DOCK1: variants seen among roughly 807,000 people sequenced by gnomAD.
DOCK1 encodes dedicator of cytokinesis protein 1.
A neutral mutation model predicts 262.7 loss-of-function variants in DOCK1; 138 were observed. The observed-to-expected ratio is 0.53, with a 90% CI of 0.46 to 0.61. The LOEUF (loss-of-function observed/expected upper bound fraction) is 0.61, where lower values mean the gene tolerates loss of function less well. Ranked by LOEUF, DOCK1 falls within the 20% of genes least tolerant of loss-of-function variation. The pLI is 0.00. For synonymous variants in DOCK1, 866 were observed against 867.4 expected, an observed-to-expected ratio of 1.00 and a Z score of 0.03; for missense variants, 1,908 against 2,370.7, an observed-to-expected ratio of 0.80 and a Z score of 4.05.
chr10:127,018,236 T>C (rs1333883906), intron 12 of DOCK1, among the ~76,000 whole-genome samples: 1 of 152,148 alleles, frequency 6.6e-6, no homozygotes, highest in Non-Finnish European at 1.5e-5. Context: ...CTCGCCCAGG[T>C]TGTGTGATGC....
chr10:127,148,197 T>G (rs1187882108), intron 27 of DOCK1, among the ~76,000 whole-genome samples: 1 of 152,174 alleles, frequency 6.6e-6, no homozygotes, highest in Non-Finnish European at 1.5e-5. Context: ...CCAGTCAGGT[T>G]CCAAGCCCAC....
At chr10:127,377,790 G>A (rs1235856341) in intron 35 of DOCK1, among the ~76,000 whole-genome samples, 1 of 151,452 alleles carries the variant, frequency 6.6e-6, no homozygotes, top group Middle Eastern at 3.2e-3. Context: ...TACTCGGGAG[G>A]CTGAGGCAAC....
intron 24 of DOCK1, among the ~76,000 whole-genome samples, chr10:127,109,804 G>T (rs772110531): frequency 6.6e-6 from 1 of 151,896 alleles, no homozygotes; most frequent in African/African-American, 2.4e-5. Flanking sequence ...TCAGTATAAT[G>T]AACAATGCCA....
intron 1 of DOCK1, among the ~76,000 whole-genome samples, chr10:126,922,229 AAAAAAG>A: frequency 6.6e-6 from 1 of 151,528 alleles, no homozygotes; most frequent in East Asian, 1.9e-4. Flanking sequence ...AAAAAAAAAA[AAAAAAG>A]GAAAGAGTTA....
At chr10:127,165,882 C>G (rs1230743265) in intron 27 of DOCK1, among the ~76,000 whole-genome samples, 1 of 152,148 alleles carries the variant, frequency 6.6e-6, no homozygotes, top group Non-Finnish European at 1.5e-5. Context: ...ATGGGACCCT[C>G]TCAATGAGGG....
rs188854301 is a variant in DOCK1 at position 127,354,613 on chromosome 10, C to T, written c.3225-56C>T. 7.3e-5 allele frequency: 117 copies of T among 1,603,908 alleles called. No individual in the cohort carries two copies. In the East Asian group the frequency reaches 2.1e-3, roughly 28 times the overall value. Reference sequence around the variant, plus strand: ...ATTGCACTTAAAAATAATTCCAGTCCGATTTTCAAATGCCTTCCGGAGTGA... The same window carrying T: ...ATTGCACTTAAAAATAATTCCAGTCTGATTTTCAAATGCCTTCCGGAGTGA... On this transcript the variant is annotated intron_variant, in intron 31 of 51. Coordinates refer to ENST00000623213, the MANE Select transcript of DOCK1 (RefSeq NM_001290223.2).
chr10:127,145,828 A>C (rs2051770343), intron 27 of DOCK1: 1 of 344,654 alleles, frequency 2.9e-6, no homozygotes, highest in Non-Finnish European at 5.7e-6. Context: ...TAGCAGTGAT[A>C]GTTCTCATCA....
At chr10:126,965,282 A>T (rs1195118289) in intron 1 of DOCK1, among the ~76,000 whole-genome samples, 1 of 152,036 alleles carries the variant, frequency 6.6e-6, no homozygotes, top group Non-Finnish European at 1.5e-5. Flanking sequence ...AGGCGGAGGG[A>T]GGAAGGATTT....
At chr10:127,152,704 A>G (rs539253088) in intron 27 of DOCK1, among the ~76,000 whole-genome samples, 1 of 152,370 alleles carries the variant, frequency 6.6e-6, no homozygotes, top group Non-Finnish European at 1.5e-5. Context: ...AGTTGTGGCA[A>G]CTGAAAACGT....
intron 28 of DOCK1, among the ~76,000 whole-genome samples, chr10:127,249,018 C>T (rs573447592): frequency 2.0e-5 from 3 of 152,248 alleles, no homozygotes; most frequent in East Asian, 3.9e-4. Flanking sequence ...TGCCCCACCA[C>T]CCCCTGGTCC....
chr10:127,316,047 G>A (rs2062264612), intron 29 of DOCK1, among the ~76,000 whole-genome samples: 2 of 152,222 alleles, frequency 1.3e-5, no homozygotes, highest in African/African-American at 2.4e-5. Flanking sequence ...AAAAAAAGGT[G>A]TATATTTAAG....
intron 29 of DOCK1, among the ~76,000 whole-genome samples, chr10:127,286,019 C>T (rs2061140029): frequency 6.6e-6 from 1 of 152,168 alleles, no homozygotes; most frequent in South Asian, 2.1e-4. Context: ...GGTGTCCTAG[C>T]ATGCCCTTTT....
chr10:127,345,257 C>T (rs561528717), intron 31 of DOCK1, among the ~76,000 whole-genome samples: 25 of 152,312 alleles, frequency 1.6e-4, no homozygotes, highest in African/African-American at 5.3e-4. Flanking sequence ...CAGTGACTTT[C>T]TAAGCATTTC....
At chr10:127,153,896 T>C (rs372529919) in intron 27 of DOCK1, 8 of 1,614,030 alleles carry the variant, frequency 5.0e-6, no homozygotes, top group Non-Finnish European at 6.8e-6. Flanking sequence ...CACAATTAGC[T>C]GTGTCTTGCC....
chr10:127,036,743 G>A (rs2043644962), intron 18 of DOCK1, among the ~76,000 whole-genome samples: 1 of 151,948 alleles, frequency 6.6e-6, no homozygotes, highest in Non-Finnish European at 1.5e-5. Context: ...GGAGGCTGAG[G>A]CAGGTGGATC....
At chr10:127,416,148 C>T (rs2068138658) in intron 44 of DOCK1, among the ~76,000 whole-genome samples, 1 of 152,250 alleles carries the variant, frequency 6.6e-6, no homozygotes, top group South Asian at 2.1e-4. Context: ...AGGTTGCCCG[C>T]AGTCAGAGCC....
Position 127,428,665 on chromosome 10 carries a change from C to T in DOCK1, c.4914+2654C>T, listed in dbSNP as rs371798355. Among the ~76,000 whole-genome samples the T allele has an allele frequency of 2.8e-3, 374 of 135,356 alleles. 4 individuals carry two copies. The highest frequency in any genetic ancestry group is 0.022 in the Admixed American group (296 of 13,530). The allele number at this position is 135,356 out of a possible 152,430, so 88.8% of individuals were successfully genotyped here. A position where few individuals can be genotyped will look rare whatever the true frequency, so the allele number is the denominator to read the frequency against. Reference sequence around the variant, plus strand: ...TGGAGTGCCGTGTGGATTGGGGTGCCGTGTGGATTGGGGTACCGTGTGGAT... The same window carrying T: ...TGGAGTGCCGTGTGGATTGGGGTGCTGTGTGGATTGGGGTACCGTGTGGAT... On this transcript the variant is annotated intron_variant, in intron 47 of 51. Transcript: ENST00000623213.
chr10:127,175,286 A>G lies in DOCK1; in HGVS notation c.2847+47522A>G. 2.5e-6 allele frequency: 4 copies of G among 1,613,994 alleles called. No individual in the cohort carries two copies. The highest frequency in any genetic ancestry group is 3.4e-6 in the Non-Finnish European group (4 of 1,180,000). On this transcript the variant is annotated intron_variant, in intron 27 of 51. Transcript: ENST00000623213. This position sits in a 1 kb window ranked among gnomAD's most constrained non-coding sequence, Gnocchi z 6.3. The stretch of plus-strand genomic sequence containing the variant: ...GCACTTTGATGGTTTCTTGGCTTGA[A>G]CTGATCAAGTTCTCCATCATCTGAA...
intron 37 of DOCK1, among the ~76,000 whole-genome samples, chr10:127,382,744 A>G (rs890963809): frequency 3.3e-5 from 5 of 152,208 alleles, no homozygotes; most frequent in Admixed American, 2.6e-4. Flanking sequence ...CTGCTCACTC[A>G]ACCCTTACTC....
Sources: allele counts gnomAD v4.1 joint callset (sites outside exome capture counted in the v4.1 genomes callset), GRCh38; gene constraint gnomAD v4.1.1; non-coding constraint Gnocchi (gnomAD v3.1); transcripts MANE v1.5; gene names NCBI Gene and HGNC (gene_info 2026-07-23, HGNC 2026-07-21).